Variants in MMS22L observed in about 807,000 individuals in gnomAD.
MMS22L encodes MMS22 like, DNA repair protein, also known as protein MMS22-like.
In MMS22L, 74 loss-of-function variants were observed where a neutral mutation model predicts 159.1. The observed-to-expected ratio is 0.47, with a 90% CI of 0.39 to 0.56. The LOEUF (loss-of-function observed/expected upper bound fraction) is 0.56, where lower values mean the gene tolerates loss of function less well. MMS22L is among the 20% of genes least tolerant of loss of function. The pLI is 0.00. For missense variants in MMS22L, 1,351 were observed against 1,422.1 expected (o/e 0.95, Z 0.80); for synonymous variants, 517 against 506.9 (o/e 1.02, Z -0.27).
At chr6:97,165,955 T>A (rs959149761) in intron 20 of MMS22L, among the ~76,000 whole-genome samples, 4 of 152,120 alleles carry the variant, frequency 2.6e-5, no homozygotes, top group African/African-American at 9.7e-5. Context: ...GGAATAACAA[T>A]TTACTTAGTT....
chr6:97,242,351 T>A (rs1812173769), intron 11 of MMS22L, among the ~76,000 whole-genome samples: 1 of 152,208 alleles, frequency 6.6e-6, no homozygotes, highest in South Asian at 2.1e-4. Context: ...TTACATAATG[T>A]CCCTCTGTCT....
At chr6:97,277,642 G>T (rs1004553666) in intron 4 of MMS22L, among the ~76,000 whole-genome samples, 2 of 151,806 alleles carry the variant, frequency 1.3e-5, no homozygotes, top group African/African-American at 4.8e-5. Flanking sequence ...TGCTCCCTTT[G>T]TTTGTCTCAC....
chr6:97,160,569 A>G (rs944678786), intron 22 of MMS22L, among the ~76,000 whole-genome samples: 1 of 151,864 alleles, frequency 6.6e-6, no homozygotes, highest in Non-Finnish European at 1.5e-5. Flanking sequence ...CTTTACTATA[A>G]TGTATCTGTT....
chr6:97,201,033 T>G (rs1194236168), intron 14 of MMS22L, among the ~76,000 whole-genome samples: 3 of 152,000 alleles, frequency 2.0e-5, no homozygotes, highest in African/African-American at 7.2e-5. Context: ...AGTTCAAAAT[T>G]AAAAATCTTT....
intron 4 of MMS22L, among the ~76,000 whole-genome samples, chr6:97,274,355 C>T (rs1816048173): frequency 6.6e-6 from 1 of 152,072 alleles, no homozygotes; most frequent in Non-Finnish European, 1.5e-5. Context: ...TCATATCATC[C>T]CAATTTTCAC....
chr6:97,217,549 C>T lies in MMS22L; in HGVS notation c.2039+11345G>A, dbSNP rs115157009. Among the ~76,000 whole-genome samples, 874 of 152,184 alleles carry T rather than the reference C, an allele frequency of 5.7e-3. 5 individuals carry two copies. Among genetic ancestry groups the T allele is most frequent in the African/African-American group, 0.02 (827 of 41,516 alleles). ...GGATTACAGGTGTGAGCCACTGCACCCAGCCAAATAAAATCTAATTATAAA... is the reference window on the plus strand; with the variant it reads ...GGATTACAGGTGTGAGCCACTGCACTCAGCCAAATAAAATCTAATTATAAA... On this transcript the variant is annotated intron_variant, in intron 14 of 24. Transcript: ENST00000683635.
At chr6:97,198,582 G>T (rs568061242) in intron 14 of MMS22L, among the ~76,000 whole-genome samples, 2 of 152,242 alleles carry the variant, frequency 1.3e-5, no homozygotes, top group East Asian at 3.9e-4. Flanking sequence ...TGAAAAAGAT[G>T]CAGACCTGAC....
rs556474519 is a variant in MMS22L, at chr6:97,155,396, G to A, written c.3386-3529C>T. Among the ~76,000 whole-genome samples the A allele has an allele frequency of 4.6e-5, 7 of 152,228 alleles. No homozygotes were observed. In the East Asian group the frequency reaches 1.2e-3, roughly 25 times the overall value. On this transcript the variant is annotated intron_variant, in intron 22 of 24. Transcript: ENST00000683635. ...TGTTACATATGTATACATGTGCCATGTTGGTTTGCTGCACCCATTAACTTG... is the reference window on the plus strand; with the variant it reads ...TGTTACATATGTATACATGTGCCATATTGGTTTGCTGCACCCATTAACTTG...
At chr6:97,188,086 A>G (rs1300298784) in intron 14 of MMS22L, among the ~76,000 whole-genome samples, 2 of 152,226 alleles carry the variant, frequency 1.3e-5, no homozygotes, top group Non-Finnish European at 2.9e-5. Flanking sequence ...TAGTGGCTAG[A>G]GAACCATTTC....
chr6:97,165,329 T>G lies in MMS22L; in HGVS notation c.3138A>C (p.Gln1046His). Residue 1046 changes from glutamine (Q) to histidine (H), a missense_variant, in exon 21 of 25, where the codon CAA becomes CAC. Physicochemically the swap from Gln to His is conservative, Grantham distance 24 (BLOSUM62 0). Coordinates refer to ENST00000683635, the MANE Select transcript of MMS22L (RefSeq NM_001350599.2). ...PASPYVSDLG[Q>H]HPVLLALRNT... ...TTCTCAATGCCAGCAAAACAGGATG[T>G]TGTCCAAGATCTGAAACATATGGTG... 1 of 1,613,446 alleles carries G rather than the reference T, an allele frequency of 6.2e-7. No homozygotes were observed. Among genetic ancestry groups the G allele is most frequent in the Non-Finnish European group, 8.5e-7 (1 of 1,179,646 alleles).
At chr6:97,149,721 T>C in intron 24 of MMS22L, 132 bp downstream of exon 24, 1 of 862,786 alleles carries the variant, frequency 1.2e-6, no homozygotes, top group Non-Finnish European at 1.7e-6. Context: ...ATAATCACAG[T>C]ACTGAAACAT....
At position 97,178,672 on chromosome 6, in the gene MMS22L, T is replaced by C. The variant is rs184312091; in HGVS notation, c.2537-87A>G. ...ACATACAACATATATATAATGTATATATGAGAAGTAATACAGTATTCTTCA... is the reference window on the plus strand; with the variant it reads ...ACATACAACATATATATAATGTATACATGAGAAGTAATACAGTATTCTTCA... On this transcript the variant is annotated intron_variant, in intron 17 of 24. Coordinates refer to ENST00000683635, the MANE Select transcript of MMS22L (RefSeq NM_001350599.2). 725 of 615,016 alleles carry C rather than the reference T, an allele frequency of 1.2e-3. 3 individuals carry two copies. In the African/African-American group the frequency reaches 0.012, roughly 11 times the overall value. The allele number at this position is 615,016 out of a possible 1,614,324, so 38.1% of individuals were successfully genotyped here. A position where few individuals can be genotyped will look rare whatever the true frequency, so the allele number is the denominator to read the frequency against.
rs761544124 is a variant in MMS22L at position 97,233,960 on chromosome 6, T to C, written c.1203A>G (p.Gln401=). 8.1e-6 allele frequency: 13 copies of C among 1,609,066 alleles called. No homozygotes were observed. The African/African-American group carries it at 9.4e-5, about 12-fold the overall frequency. ...ISVQGVILEE[Q]LRMYLHCCLT... ...AACAACAGTGAAGATACATTCGTAA[T>C]TGTTCTTCTAGAATGACACCCTAAA... is the stretch of plus-strand genomic sequence containing the variant. The change falls in exon 12 of 25, where the codon CAA becomes CAG. Residue 401 remains glutamine, a synonymous_variant. Coordinates refer to ENST00000683635, the MANE Select transcript of MMS22L (RefSeq NM_001350599.2).
At chr6:97,148,430 A>G (rs1440444872) in intron 24 of MMS22L, among the ~76,000 whole-genome samples, 3 of 152,148 alleles carry the variant, frequency 2.0e-5, no homozygotes, top group African/African-American at 7.2e-5. Flanking sequence ...AGGAGACGAC[A>G]GCTCCATGTG....
Position 97,145,371 on chromosome 6 carries a change from T to C in MMS22L, c.*1435A>G, listed in dbSNP as rs747986651. ...TACAGAATACTGATTGCAAAGTATT[T>C]CATTTTTAAAGATACTCCTTGAGCC... On this transcript the variant is annotated 3_prime_UTR_variant, in exon 25 of 25. Transcript: ENST00000683635. 2.4e-4 allele frequency: 36 copies of C among 152,176 alleles called. No individual in the cohort carries two copies. Among genetic ancestry groups the C allele is most frequent in the Non-Finnish European group, 4.7e-4 (32 of 68,018 alleles). 9.4% of individuals were successfully genotyped at this position (152,176 alleles called of 1,614,324 possible).
intron 11 of MMS22L, among the ~76,000 whole-genome samples, chr6:97,238,605 T>G (rs13213822): frequency 1.3e-4 from 16 of 119,876 alleles, no homozygotes; most frequent in African/African-American, 2.8e-4. Flanking sequence ...GTGTGTGTGT[T>G]TGAGTGTATC....
chr6:97,262,405 G>A (rs1395278666), intron 9 of MMS22L, among the ~76,000 whole-genome samples: 1 of 151,984 alleles, frequency 6.6e-6, no homozygotes, highest in Non-Finnish European at 1.5e-5. Flanking sequence ...AGCACTTTGG[G>A]AGGCCAAGGC....
intron 12 of MMS22L, among the ~76,000 whole-genome samples, chr6:97,232,001 C>T (rs1810924869): frequency 6.6e-6 from 1 of 152,080 alleles, no homozygotes; most frequent in South Asian, 2.1e-4. Flanking sequence ...AATATCAGGT[C>T]ATTGGTTGTA....
chr6:97,247,658 T>C (rs1812808943), intron 10 of MMS22L, among the ~76,000 whole-genome samples: 2 of 151,828 alleles, frequency 1.3e-5, no homozygotes, highest in Non-Finnish European at 1.5e-5. Context: ...GTGTAGGTTG[T>C]AGTGAGCCAA....
Sources: allele counts gnomAD v4.1 joint callset (sites outside exome capture counted in the v4.1 genomes callset), GRCh38; gene constraint gnomAD v4.1.1; transcripts MANE v1.5; gene names NCBI Gene and HGNC (gene_info 2026-07-23, HGNC 2026-07-21).